The following PATJ variants were observed in gnomAD, a reference collection of about 807,000 sequenced individuals.
PATJ encodes PATJ crumbs cell polarity complex component, also known as inaD-like protein.
Under a neutral mutation model 224.9 loss-of-function variants are expected in PATJ, and 190 were observed. The observed-to-expected ratio is 0.84, with a 90% CI of 0.75 to 0.95. The LOEUF (loss-of-function observed/expected upper bound fraction) is 0.95. PATJ is among the 40% of genes least tolerant of loss of function. The pLI is 0.00. For synonymous variants in PATJ, 769 were observed against 820.3 expected (o/e 0.94, Z 1.07); for missense variants, 2,121 against 2,270.3 (o/e 0.93, Z 1.34).
At chr1:62,136,554 T>TTAAC (rs931956738) in intron 41 of PATJ, among the ~76,000 whole-genome samples, 5 of 151,210 alleles carry the variant, frequency 3.3e-5, no homozygotes, top group African/African-American at 1.2e-4. Flanking sequence ...AGGGATCACC[T>TTAAC]TAACTTTACA....
At chr1:62,081,713 A>G (rs1197136241) in intron 32 of PATJ, among the ~76,000 whole-genome samples, 1 of 152,130 alleles carries the variant, frequency 6.6e-6, no homozygotes, top group African/African-American at 2.4e-5. Context: ...GATTACAGGC[A>G]TGTGCCACCA....
intron 7 of PATJ, among the ~76,000 whole-genome samples, chr1:61,786,086 A>T (rs1648457770): frequency 6.6e-6 from 1 of 152,160 alleles, no homozygotes; most frequent in Non-Finnish European, 1.5e-5. Flanking sequence ...CAGTGGCGTG[A>T]TCTTTGCTCA....
Position 61,763,113 on chromosome 1 carries a change from A to G in PATJ, c.123A>G (p.Thr41=), listed in dbSNP as rs979565268. 7 of 1,610,112 alleles carry G rather than the reference A, an allele frequency of 4.3e-6. No homozygotes were observed. In the African/African-American group the frequency reaches 6.7e-5, roughly 15 times the overall value. ...QNEKLSMFYE[T]LKSPLFNQIL... is the part of the protein sequence containing the mutation. The stretch of plus-strand genomic sequence containing the variant: ...AGAAGTTATCTATGTTTTATGAGAC[A>G]CTAAAGAGTCCTCTCTTCAACCAGA... The change falls in exon 3 of 44, where the codon ACA becomes ACG. Residue 41 remains threonine, a synonymous_variant. Transcript: ENST00000642238.
chr1:61,995,359 A>T lies in PATJ; in HGVS notation c.3867+4995A>T, dbSNP rs371609042. ...TTATCATTATTGTTTTGTCTCTATG[A>T]TATGGCTTTGCTCACAGCCTCCTTT... On this transcript the variant is annotated intron_variant, in intron 28 of 43. Coordinates refer to ENST00000642238, the MANE Select transcript of PATJ (RefSeq NM_001350145.3). Among the ~76,000 whole-genome samples, 184 of 152,302 alleles carry T rather than the reference A, an allele frequency of 1.2e-3. 1 individual carries two copies. The highest frequency in any genetic ancestry group is 4.1e-3 in the African/African-American group (170 of 41,552).
chr1:62,030,524 A>G (rs1649028727), intron 29 of PATJ, among the ~76,000 whole-genome samples: 1 of 150,698 alleles, frequency 6.6e-6, no homozygotes, highest in African/African-American at 2.4e-5. Context: ...ATTTATTTTT[A>G]ATTGGGGTAT....
chr1:62,107,420 G>C (rs1663234914), intron 33 of PATJ, among the ~76,000 whole-genome samples: 1 of 152,098 alleles, frequency 6.6e-6, no homozygotes, highest in Admixed American at 6.6e-5. Flanking sequence ...AATGACTTCT[G>C]GTTACTTCAG....
chr1:62,135,000 AT>A (rs1666675721), intron 41 of PATJ, among the ~76,000 whole-genome samples: 1 of 69,024 alleles, frequency 1.4e-5, no homozygotes, highest in Non-Finnish European at 2.9e-5. Flanking sequence ...GTCATGGCCT[AT>A]GTGAGTATCA....
At chr1:62,121,331 G>A (rs1482171488) in intron 38 of PATJ, 36 bp downstream of exon 38, 4 of 1,142,622 alleles carry the variant, frequency 3.5e-6, no homozygotes, top group Non-Finnish European at 5.0e-6. Context: ...AAACTATCCT[G>A]TTACCCAAAT....
chr1:62,148,693 C>T (rs931446123), intron 42 of PATJ, among the ~76,000 whole-genome samples: 3 of 152,120 alleles, frequency 2.0e-5, no homozygotes, highest in Admixed American at 1.3e-4. Flanking sequence ...CAAGGAACCA[C>T]GTTTCCTGAA....
chr1:61,877,294 C>T (rs1232290963), intron 21 of PATJ, among the ~76,000 whole-genome samples: 1 of 151,286 alleles, frequency 6.6e-6, no homozygotes, highest in African/African-American at 2.4e-5. Flanking sequence ...GTATAGTAAC[C>T]CGATCTCTTC....
Position 62,163,737 on chromosome 1 carries a change from T to C in PATJ, c.*2683T>C, listed in dbSNP as rs1407016154. ...GCTGAGAGGCTATGAAGATGGAAAT[T>C]TGTGAAAGAAGTAGTGCTCTTATAT... On this transcript the variant is annotated 3_prime_UTR_variant, in exon 44 of 44. Coordinates refer to ENST00000642238, the MANE Select transcript of PATJ (RefSeq NM_001350145.3). 1 of 152,158 alleles carries C rather than the reference T, an allele frequency of 6.6e-6. No individual in the cohort carries two copies. Among genetic ancestry groups the C allele is most frequent in the East Asian group, 1.9e-4 (1 of 5,186 alleles). The allele number at this position is 152,158 out of a possible 1,614,324, so 9.4% of individuals were successfully genotyped here. A position where few individuals can be genotyped will look rare whatever the true frequency, so the allele number is the denominator to read the frequency against.
At chr1:61,957,262 T>G (rs1270817228) in intron 27 of PATJ, among the ~76,000 whole-genome samples, 1 of 151,782 alleles carries the variant, frequency 6.6e-6, no homozygotes, top group East Asian at 1.9e-4. Context: ...AAGGGAATCA[T>G]TCTGCCATCT....
At chr1:61,999,943 T>A (rs1005607577) in intron 28 of PATJ, among the ~76,000 whole-genome samples, 3 of 151,978 alleles carry the variant, frequency 2.0e-5, no homozygotes, top group Non-Finnish European at 4.4e-5. Flanking sequence ...AGTGCAGTGG[T>A]GTGATCGCAG....
chr1:62,045,891 G>T (rs1406599650), intron 30 of PATJ, among the ~76,000 whole-genome samples: 1 of 152,088 alleles, frequency 6.6e-6, no homozygotes, highest in Non-Finnish European at 1.5e-5. Context: ...GAGCCATTCT[G>T]TTCTCAGAGC....
chr1:62,035,738 G>A (rs1047199878), intron 29 of PATJ, among the ~76,000 whole-genome samples: 5 of 151,904 alleles, frequency 3.3e-5, no homozygotes, highest in Non-Finnish European at 5.9e-5. Context: ...CCCACCCAGA[G>A]AGAAATTCAG....
chr1:61,810,431 G>A (rs541486667), intron 14 of PATJ, among the ~76,000 whole-genome samples: 2 of 152,050 alleles, frequency 1.3e-5, no homozygotes, highest in South Asian at 4.2e-4. Flanking sequence ...GGGTGTGGTG[G>A]CTCACACCTG....
intron 22 of PATJ, among the ~76,000 whole-genome samples, chr1:61,897,441 G>T (rs565170703): frequency 6.6e-6 from 1 of 152,302 alleles, no homozygotes; most frequent in South Asian, 2.1e-4. Context: ...AGGATGGTGT[G>T]GTGCTGTTGT....
At chr1:62,140,029 G>A (rs982551456) in intron 41 of PATJ, among the ~76,000 whole-genome samples, 4 of 152,088 alleles carry the variant, frequency 2.6e-5, no homozygotes. Flanking sequence ...CAAAGTGTTA[G>A]GATTACAGGC....
intron 17 of PATJ, among the ~76,000 whole-genome samples, chr1:61,837,969 C>T (rs1406655955): frequency 2.0e-5 from 3 of 152,062 alleles, no homozygotes; most frequent in African/African-American, 7.2e-5. Context: ...GAGTCTGATA[C>T]ACAGTTCTAC....
Sources: gnomAD v4.1 joint callset for allele counts (sites outside exome capture counted in the v4.1 genomes callset) on GRCh38, gnomAD v4.1.1 for gene constraint, MANE v1.5 for transcripts, NCBI Gene and HGNC (gene_info 2026-07-23, HGNC 2026-07-21) for gene names.